Variants in DLG2 observed in about 807,000 individuals in gnomAD.
The protein encoded by DLG2 is disks large homolog 2.
Under a neutral mutation model 132.5 loss-of-function variants are expected in DLG2, and 45 were observed. The ratio of observed to expected loss-of-function variants is 0.34; its 90% confidence interval spans 0.27 to 0.44. The LOEUF is 0.44. Ranked by LOEUF, DLG2 falls within the 20% of genes least tolerant of loss-of-function variation. The probability of loss-of-function intolerance (pLI) is 1.00; values close to 1 mark genes in which losing one functional copy is unlikely to be tolerated. For synonymous variants in DLG2, 424 were observed against 419.6 expected (o/e 1.01, Z -0.13); for missense variants, 1,045 against 1,196.9 (o/e 0.87, Z 1.87).
intron 18 of DLG2, among the ~76,000 whole-genome samples, chr11:83,668,500 A>G (rs1416837062): frequency 2.0e-5 from 3 of 152,076 alleles, no homozygotes; most frequent in African/African-American, 7.2e-5. Context: ...TAGCCCTACT[A>G]AGTAGAGGTA....
At chr11:84,496,991 T>G (rs148645400) in intron 7 of DLG2, among the ~76,000 whole-genome samples, 38 of 152,232 alleles carry the variant, frequency 2.5e-4, no homozygotes, top group East Asian at 1.7e-3. Context: ...TAGCCAGGAA[T>G]TTAGGTTTGC....
chr11:84,329,080 G>A (rs930324774), intron 7 of DLG2, among the ~76,000 whole-genome samples: 1 of 152,124 alleles, frequency 6.6e-6, no homozygotes, highest in Admixed American at 6.5e-5. Context: ...GATATCCCTT[G>A]CTATTGAACT....
At chr11:85,518,073 C>T (rs1236638498) in intron 3 of DLG2, among the ~76,000 whole-genome samples, 1 of 152,128 alleles carries the variant, frequency 6.6e-6, no homozygotes, top group Non-Finnish European at 1.5e-5. Context: ...TTGTAAATTA[C>T]CCAATCTCAG....
At chr11:84,753,056 G>A (rs1468597113) in intron 6 of DLG2, among the ~76,000 whole-genome samples, 1 of 152,146 alleles carries the variant, frequency 6.6e-6, no homozygotes, top group African/African-American at 2.4e-5. Context: ...TGGAAAGGAA[G>A]AAGTAAGCAG....
intron 9 of DLG2, among the ~76,000 whole-genome samples, chr11:84,108,620 G>A (rs2093134669): frequency 1.3e-5 from 2 of 152,132 alleles, no homozygotes; most frequent in African/African-American, 2.4e-5. Context: ...GGTAAGAAAG[G>A]GAAGGAAGAG....
chr11:85,259,820 G>A (rs1024066403), intron 4 of DLG2, among the ~76,000 whole-genome samples: 4 of 151,736 alleles, frequency 2.6e-5, no homozygotes, highest in African/African-American at 9.7e-5. Flanking sequence ...CATATTTAAG[G>A]CAATTCAGAG....
chr11:85,581,264 T>C (rs2078497512), intron 3 of DLG2, among the ~76,000 whole-genome samples: 1 of 152,088 alleles, frequency 6.6e-6, no homozygotes, highest in South Asian at 2.1e-4. Flanking sequence ...CCTGGTTGGC[T>C]CCCTTAACTC....
rs376883233 is a variant in DLG2, at chr11:84,391,132, G to A, written c.520-139841C>T. On this transcript the variant is annotated intron_variant, in intron 7 of 27. Coordinates refer to ENST00000376104, the MANE Select transcript of DLG2 (RefSeq NM_001142699.3). ...AATGTCACTAGGTTTAGTTGTAAGAGGACATTATTAGAAACCCAAATACTC... is the reference window on the plus strand; with the variant it reads ...AATGTCACTAGGTTTAGTTGTAAGAAGACATTATTAGAAACCCAAATACTC... 2.0e-4 allele frequency among the ~76,000 whole-genome samples: 30 copies of A among 152,188 alleles called. No individual in the cohort carries two copies. In the East Asian group the frequency reaches 3.5e-3, roughly 18 times the overall value.
chr11:84,712,614 T>C (rs1243571195), intron 6 of DLG2, among the ~76,000 whole-genome samples: 1 of 152,084 alleles, frequency 6.6e-6, no homozygotes, highest in Non-Finnish European at 1.5e-5. Flanking sequence ...CCCAGTTGAC[T>C]CTATCTGCAA....
intron 6 of DLG2, among the ~76,000 whole-genome samples, chr11:84,862,830 T>TGGGGGGCTAG (rs2083957989): frequency 2.1e-5 from 1 of 47,728 alleles, no homozygotes; most frequent in Non-Finnish European, 3.9e-5. Context: ...GGGGGGGGGG[T>TGGGGGGCTAG]GGGGGACTAG....
intron 16 of DLG2, among the ~76,000 whole-genome samples, chr11:83,849,976 C>T (rs2059370039): frequency 6.6e-6 from 1 of 152,074 alleles, no homozygotes. Flanking sequence ...AAGGTAAATA[C>T]ACTTCTGGTG....
chr11:85,432,609 C>A (rs1371925161), intron 3 of DLG2, among the ~76,000 whole-genome samples: 10 of 151,556 alleles, frequency 6.6e-5, no homozygotes, highest in Admixed American at 6.6e-4. Flanking sequence ...CGGAGGCAGG[C>A]AAGACTAGAG....
Position 85,087,278 on chromosome 11 carries a change from G to A in DLG2, c.357+24383C>T, listed in dbSNP as rs139369814. On this transcript the variant is annotated intron_variant, in intron 6 of 27. Coordinates refer to ENST00000376104, the MANE Select transcript of DLG2 (RefSeq NM_001142699.3). ...AAATAATAAGTAATTAGGAGTATGAGAGAGTGAAACAGTGAGAGAGAGAGA... is the reference window on the plus strand; with the variant it reads ...AAATAATAAGTAATTAGGAGTATGAAAGAGTGAAACAGTGAGAGAGAGAGA... Among the ~76,000 whole-genome samples, 630 of 152,324 alleles carry A rather than the reference G, an allele frequency of 4.1e-3. 1 individual carries two copies. The highest frequency in any genetic ancestry group is 0.014 in the African/African-American group (573 of 41,562).
chr11:84,477,763 C>T (rs1172960918), intron 7 of DLG2, among the ~76,000 whole-genome samples: 1 of 152,112 alleles, frequency 6.6e-6, no homozygotes, highest in Admixed American at 6.6e-5. Context: ...TGAACATTGT[C>T]ATGTTAAATA....
chr11:83,972,660 C>T (rs955633100), intron 12 of DLG2, among the ~76,000 whole-genome samples: 1 of 151,990 alleles, frequency 6.6e-6, no homozygotes, highest in African/African-American at 2.4e-5. Flanking sequence ...AAAATGATCG[C>T]AGAACACCAA....
At position 84,119,501 on chromosome 11, in the gene DLG2, C is replaced by T. The variant is rs2093800938; in HGVS notation, c.625-20454G>A. 2.0e-5 allele frequency among the ~76,000 whole-genome samples: 3 copies of T among 151,636 alleles called. No individual in the cohort carries two copies. The South Asian group carries it at 6.2e-4, about 32-fold the overall frequency. ...TTCATACAGGTAATATATTCATACA[C>T]ACACATACGAATCACATTTAAAAAG... On this transcript the variant is annotated intron_variant, in intron 9 of 27. Transcript: ENST00000376104.
intron 7 of DLG2, among the ~76,000 whole-genome samples, chr11:84,329,162 T>C (rs948276564): frequency 2.0e-5 from 3 of 152,220 alleles, no homozygotes; most frequent in Non-Finnish European, 4.4e-5. Context: ...TCGTAAGCTC[T>C]TCAAAGGCAA....
At chr11:85,024,132 T>C (rs947206567) in intron 6 of DLG2, among the ~76,000 whole-genome samples, 1 of 152,048 alleles carries the variant, frequency 6.6e-6, no homozygotes, top group African/African-American at 2.4e-5. Context: ...CCCCATTAAT[T>C]TCAGGGGGTT....
chr11:84,528,101 C>T (rs2099327139), intron 7 of DLG2, among the ~76,000 whole-genome samples: 1 of 152,064 alleles, frequency 6.6e-6, no homozygotes, highest in Non-Finnish European at 1.5e-5. Flanking sequence ...CTCTTTGTTT[C>T]CCCATTACTT....
Sources: gnomAD v4.1 joint callset for allele counts (sites outside exome capture counted in the v4.1 genomes callset) on GRCh38, gnomAD v4.1.1 for gene constraint, MANE v1.5 for transcripts, NCBI Gene and HGNC (gene_info 2026-07-23, HGNC 2026-07-21) for gene names.